QSER1: variants seen among roughly 807,000 people sequenced by gnomAD.
The protein encoded by QSER1 is glutamine and serine-rich protein 1.
A neutral mutation model predicts 158.5 loss-of-function variants in QSER1; 49 were observed. The observed-to-expected ratio is 0.31, with a 90% CI of 0.25 to 0.39. QSER1 has a LOEUF of 0.39. Ranked by LOEUF, QSER1 falls within the 10% of genes least tolerant of loss-of-function variation. The pLI is 1.00. For missense variants in QSER1, 1,754 were observed against 2,010.3 expected (o/e 0.87, Z 2.44); for synonymous variants, 650 against 715.5 (o/e 0.91, Z 1.46).
intron 4 of QSER1, among the ~76,000 whole-genome samples, chr11:32,940,852 T>C (rs947864198): frequency 6.6e-6 from 1 of 152,146 alleles, no homozygotes; most frequent in Non-Finnish European, 1.5e-5. Context: ...AAATGGTTCT[T>C]TTTAAAGAAC....
intron 1 of QSER1, among the ~76,000 whole-genome samples, chr11:32,895,317 A>G (rs2057876100): frequency 6.6e-6 from 1 of 152,122 alleles, no homozygotes; most frequent in African/African-American, 2.4e-5. Flanking sequence ...ACAGCATAGA[A>G]AATGCAGGTT....
chr11:32,916,825 T>TGCCC (rs1851837305), intron 1 of QSER1, among the ~76,000 whole-genome samples: 1 of 151,792 alleles, frequency 6.6e-6, no homozygotes, highest in South Asian at 2.1e-4. Context: ...CTCGCTCTGT[T>TGCCC]GCCCAGGCTG....
At chr11:32,909,630 C>T (rs1427332931) in intron 1 of QSER1, among the ~76,000 whole-genome samples, 3 of 152,072 alleles carry the variant, frequency 2.0e-5, no homozygotes, top group Admixed American at 1.3e-4. Context: ...TTAGTAGAGA[C>T]GAGGTTTTGC....
chr11:32,961,315 A>G (rs983025737), intron 8 of QSER1, among the ~76,000 whole-genome samples: 3 of 152,142 alleles, frequency 2.0e-5, no homozygotes, highest in South Asian at 2.1e-4. Context: ...TTGAGTTTTC[A>G]TGCTATTACA....
At chr11:32,963,133 C>T (rs749670785) in intron 8 of QSER1, among the ~76,000 whole-genome samples, 1 of 152,120 alleles carries the variant, frequency 6.6e-6, no homozygotes, top group Non-Finnish European at 1.5e-5. Context: ...ATTACTTCTT[C>T]GTCAAGGACT....
chr11:32,949,404 A>C (rs1369034048), intron 4 of QSER1, among the ~76,000 whole-genome samples: 1 of 152,196 alleles, frequency 6.6e-6, no homozygotes, highest in Non-Finnish European at 1.5e-5. Context: ...TTTTTATATC[A>C]ATAAAAGTGA....
chr11:32,922,079 C>T (rs1326627428), intron 1 of QSER1, among the ~76,000 whole-genome samples: 2 of 152,076 alleles, frequency 1.3e-5, no homozygotes, highest in South Asian at 2.1e-4. Context: ...TTTTACACCA[C>T]GTATAAAAAA....
chr11:32,967,361 A>T (rs1312606635), intron 9 of QSER1, among the ~76,000 whole-genome samples: 1 of 152,132 alleles, frequency 6.6e-6, no homozygotes, highest in Non-Finnish European at 1.5e-5. Context: ...ATGAAAAACT[A>T]CTTATGGGGT....
At chr11:32,921,796 A>G (rs1851902760) in intron 1 of QSER1, among the ~76,000 whole-genome samples, 1 of 152,228 alleles carries the variant, frequency 6.6e-6, no homozygotes, top group African/African-American at 2.4e-5. Flanking sequence ...GCACAGCAAA[A>G]CAATTTTGGA....
chr11:32,920,458 G>A (rs1404836043), intron 1 of QSER1, among the ~76,000 whole-genome samples: 2 of 152,064 alleles, frequency 1.3e-5, no homozygotes, highest in African/African-American at 4.8e-5. Context: ...TCATGACCTT[G>A]GATTACAAGT....
chr11:32,977,789 T>G lies in QSER1; in HGVS notation c.*1315T>G, dbSNP rs1853003162. On this transcript the variant is annotated 3_prime_UTR_variant, in exon 13 of 13. Transcript: ENST00000650167. ...TGAGAAAAAGATGTACTAGTGTCAT[T>G]CTAAACTATCTCCTTTTTTAGGATT... The G allele has an allele frequency of 6.6e-6, 1 of 152,622 alleles. No individual in the cohort carries two copies. Among genetic ancestry groups the G allele is most frequent in the Admixed American group, 6.5e-5 (1 of 15,292 alleles). The allele number at this position is 152,622 out of a possible 1,614,324, so 9.5% of individuals were successfully genotyped here.
intron 9 of QSER1, 121 bp downstream of exon 9, chr11:32,966,558 A>G (rs1564947409): frequency 1.3e-6 from 1 of 795,808 alleles, no homozygotes; most frequent in East Asian, 3.0e-5. Flanking sequence ...ATTGTCAGTT[A>G]AATATATAGC....
intron 1 of QSER1, among the ~76,000 whole-genome samples, chr11:32,902,994 G>T (rs1161795294): frequency 6.6e-6 from 1 of 152,046 alleles, no homozygotes; most frequent in Non-Finnish European, 1.5e-5. Context: ...AAGCTTTCAG[G>T]GAAAAATCCT....
intron 8 of QSER1, among the ~76,000 whole-genome samples, chr11:32,958,307 A>G (rs1852560331): frequency 6.6e-6 from 1 of 152,186 alleles, no homozygotes; most frequent in Non-Finnish European, 1.5e-5. Flanking sequence ...AAAAGGCAGA[A>G]CTTACCTTAG....
intron 1 of QSER1, among the ~76,000 whole-genome samples, chr11:32,898,482 T>TCACACACACACACACA (rs71034630): frequency 5.8e-4 from 83 of 142,946 alleles, no homozygotes; most frequent in Non-Finnish European, 9.3e-4. Context: ...TGAGAACCTG[T>TCACACACACACACACA]CACACACACA....
rs192906604 is a variant in QSER1, at chr11:32,977,684, T to G, written c.*1210T>G. ...TTTGATAGGTAGCGTTTCAAGTAGT[T>G]TAGCTGAGACAGTGAATGTATTAGG... On this transcript the variant is annotated 3_prime_UTR_variant, in exon 13 of 13. Transcript: ENST00000650167. 18 of 152,746 alleles carry G rather than the reference T, an allele frequency of 1.2e-4. No homozygotes were observed. Among genetic ancestry groups the G allele is most frequent in the African/African-American group, 3.8e-4 (16 of 41,584 alleles). The allele number at this position is 152,746 out of a possible 1,614,324, so 9.5% of individuals were successfully genotyped here. A position where few individuals can be genotyped will look rare whatever the true frequency, so the allele number is the denominator to read the frequency against.
chr11:32,924,836 G>A (rs1352568140), intron 1 of QSER1, among the ~76,000 whole-genome samples: 3 of 152,134 alleles, frequency 2.0e-5, no homozygotes, highest in Non-Finnish European at 4.4e-5. Flanking sequence ...TGTCACCTGG[G>A]TACTGAGCAT....
At chr11:32,900,843 TCTGA>T (rs1436470210) in intron 1 of QSER1, among the ~76,000 whole-genome samples, 1 of 152,254 alleles carries the variant, frequency 6.6e-6, no homozygotes, top group Non-Finnish European at 1.5e-5. Flanking sequence ...AAAGGCCTTC[TCTGA>T]CTGCCCTGTC....
At chr11:32,912,044 C>G (rs991324118) in intron 1 of QSER1, among the ~76,000 whole-genome samples, 2 of 152,218 alleles carry the variant, frequency 1.3e-5, no homozygotes, top group African/African-American at 2.4e-5. Context: ...TAGCCCACTT[C>G]TGATGTGACT....
Sources: gnomAD v4.1 joint callset for allele counts (sites outside exome capture counted in the v4.1 genomes callset) on GRCh38, gnomAD v4.1.1 for gene constraint, MANE v1.5 for transcripts, NCBI Gene and HGNC (gene_info 2026-07-23, HGNC 2026-07-21) for gene names.